Variants in CACNA2D3 observed in about 807,000 individuals in gnomAD.
CACNA2D3 encodes the protein calcium voltage-gated channel auxiliary subunit alpha2delta 3, also known as voltage-dependent calcium channel subunit alpha-2/delta-3.
In CACNA2D3, 60 loss-of-function variants were observed where a neutral mutation model predicts 160.6. The observed-to-expected ratio is 0.37, with a 90% CI of 0.30 to 0.46. The LOEUF is 0.46. Among genes scored for constraint, CACNA2D3 ranks in the 20% least tolerant of loss-of-function variants. The probability of loss-of-function intolerance (pLI) is 1.00; values close to 1 mark genes in which losing one functional copy is unlikely to be tolerated. For missense variants in CACNA2D3, 1,205 were observed against 1,365.0 expected (o/e 0.88, Z 1.85); for synonymous variants, 558 against 492.9 (o/e 1.13, Z -1.75).
intron 4 of CACNA2D3, among the ~76,000 whole-genome samples, chr3:54,412,184 C>G (rs969940922): frequency 6.6e-6 from 1 of 152,062 alleles, no homozygotes; most frequent in African/African-American, 2.4e-5. Flanking sequence ...TTCTTCTTTT[C>G]TGATGTAAAC....
chr3:54,188,155 G>T (rs973109473), intron 2 of CACNA2D3, among the ~76,000 whole-genome samples: 1 of 152,172 alleles, frequency 6.6e-6, no homozygotes, highest in Non-Finnish European at 1.5e-5. Context: ...ACTGTTAAGC[G>T]TAGGTCATGG....
intron 2 of CACNA2D3, among the ~76,000 whole-genome samples, chr3:54,223,851 CAAAAAA>C (rs60397787): frequency 1.0e-5 from 1 of 96,720 alleles, no homozygotes; most frequent in African/African-American, 4.0e-5. Context: ...GACTCTGTCT[CAAAAAA>C]AAAAAAAAAA....
In CACNA2D3 at chr3:54,729,466, A is replaced by T. The variant is rs200137263; in HGVS notation, c.1168-23133A>T. ...TTCTCCAATTAATACTTTTAAATTT[A>T]TTGTAAGAGTTGCTTTATTCCAGGA... On this transcript the variant is annotated intron_variant, in intron 11 of 37. Coordinates refer to ENST00000474759, the MANE Select transcript of CACNA2D3 (RefSeq NM_018398.3). Among the ~76,000 whole-genome samples, 320 of 152,242 alleles carry T rather than the reference A, an allele frequency of 2.1e-3. 4 individuals carry two copies. Among genetic ancestry groups the T allele is most frequent in the Admixed American group, 0.014 (214 of 15,302 alleles).
At chr3:54,731,965 C>A (rs1294007011) in intron 11 of CACNA2D3, among the ~76,000 whole-genome samples, 1 of 152,152 alleles carries the variant, frequency 6.6e-6, no homozygotes, top group Non-Finnish European at 1.5e-5. Flanking sequence ...CTGAGAGCAA[C>A]ATTTTCCCTC....
chr3:54,703,696 A>G (rs1473082249), intron 11 of CACNA2D3, among the ~76,000 whole-genome samples: 1 of 152,144 alleles, frequency 6.6e-6, no homozygotes, highest in Non-Finnish European at 1.5e-5. Context: ...AAAAGCTATC[A>G]AGTTTAAACC....
intron 19 of CACNA2D3, 95 bp from the exon 20 acceptor site, chr3:54,879,255 T>C: frequency 1.0e-6 from 1 of 963,122 alleles, no homozygotes; most frequent in Non-Finnish European, 1.6e-6. Flanking sequence ...CTGATCATAG[T>C]GTGTCCATTT....
intron 5 of CACNA2D3, among the ~76,000 whole-genome samples, chr3:54,531,378 T>A (rs901225068): frequency 6.6e-6 from 1 of 152,222 alleles, no homozygotes; most frequent in Non-Finnish European, 1.5e-5. Context: ...ATATTCATAG[T>A]TCCCTTTAAG....
At chr3:54,724,375 C>G (rs559405660) in intron 11 of CACNA2D3, among the ~76,000 whole-genome samples, 1 of 152,244 alleles carries the variant, frequency 6.6e-6, no homozygotes, top group Non-Finnish European at 1.5e-5. Context: ...TGAAAATTAA[C>G]AAGGATATTC....
At chr3:54,811,186 C>G (rs2106700013) in intron 13 of CACNA2D3, among the ~76,000 whole-genome samples, 1 of 152,354 alleles carries the variant, frequency 6.6e-6, no homozygotes, top group Admixed American at 6.5e-5. Context: ...TAAGAGACAT[C>G]TTGAACTTTT....
chr3:54,522,695 A>G (rs1404426921), intron 5 of CACNA2D3, among the ~76,000 whole-genome samples: 1 of 152,140 alleles, frequency 6.6e-6, no homozygotes, highest in East Asian at 1.9e-4. Flanking sequence ...AGAGAGGGTG[A>G]AAGTGAGAAA....
intron 9 of CACNA2D3, among the ~76,000 whole-genome samples, chr3:54,624,211 A>C (rs1357021663): frequency 2.0e-5 from 3 of 152,248 alleles, no homozygotes; most frequent in African/African-American, 7.2e-5. Context: ...GAACTCCATA[A>C]CATGTTGTTA....
intron 2 of CACNA2D3, among the ~76,000 whole-genome samples, chr3:54,164,871 G>A (rs752941970): frequency 7.4e-4 from 112 of 152,136 alleles, no homozygotes; most frequent in Non-Finnish European, 1.2e-3. Context: ...TTTCCCTTTC[G>A]TGATTCAGAT....
chr3:54,361,234 G>A (rs912887959), intron 3 of CACNA2D3, among the ~76,000 whole-genome samples: 3 of 151,254 alleles, frequency 2.0e-5, no homozygotes, highest in Non-Finnish European at 4.4e-5. Context: ...AAATGGAGTG[G>A]GCAGGTTGGT....
At chr3:54,419,581 A>G (rs1237208121) in intron 4 of CACNA2D3, among the ~76,000 whole-genome samples, 3 of 152,110 alleles carry the variant, frequency 2.0e-5, no homozygotes, top group African/African-American at 4.8e-5. Context: ...ATTATATTCT[A>G]TACTTCTTTT....
At chr3:54,771,885 C>G (rs1402903528) in intron 13 of CACNA2D3, among the ~76,000 whole-genome samples, 2 of 152,030 alleles carry the variant, frequency 1.3e-5, no homozygotes, top group Non-Finnish European at 2.9e-5. Context: ...TCCATGTGCT[C>G]TGGTCTGAGA....
At chr3:54,871,698 G>GT in intron 18 of CACNA2D3, 76 bp downstream of exon 18, 1 of 1,197,186 alleles carries the variant, frequency 8.4e-7, no homozygotes, top group Non-Finnish European at 1.2e-6. Context: ...GCGATCCCAG[G>GT]AGTTGGCCAA....
At chr3:54,693,953 CTTAGA>C (rs1700613636) in intron 11 of CACNA2D3, among the ~76,000 whole-genome samples, 1 of 152,026 alleles carries the variant, frequency 6.6e-6, no homozygotes, top group Admixed American at 6.6e-5. Flanking sequence ...TCACAGTTAG[CTTAGA>C]TATTTATTAT....
chr3:54,806,071 C>G (rs781630348), intron 13 of CACNA2D3, among the ~76,000 whole-genome samples: 3 of 152,268 alleles, frequency 2.0e-5, no homozygotes, highest in South Asian at 2.1e-4. Context: ...TAAGACCTAT[C>G]TATGACAAAC....
intron 2 of CACNA2D3, among the ~76,000 whole-genome samples, chr3:54,125,326 G>A (rs1189593696): frequency 1.3e-5 from 2 of 151,666 alleles, no homozygotes; most frequent in Admixed American, 6.6e-5. Flanking sequence ...CAGCAAATTG[G>A]AAAAGGCTGA....
Sources: gnomAD v4.1 joint callset for allele counts (sites outside exome capture counted in the v4.1 genomes callset) on GRCh38, gnomAD v4.1.1 for gene constraint, MANE v1.5 for transcripts, NCBI Gene and HGNC (gene_info 2026-07-23, HGNC 2026-07-21) for gene names.